INPP4B: variants seen among roughly 807,000 people sequenced by gnomAD.
The protein encoded by INPP4B is inositol polyphosphate 4-phosphatase type II.
A neutral mutation model predicts 122.5 loss-of-function variants in INPP4B; 55 were observed. The observed-to-expected ratio is 0.45, with a 90% CI of 0.36 to 0.56. The LOEUF is 0.56. Ranked by LOEUF, INPP4B falls within the 20% of genes least tolerant of loss-of-function variation. INPP4B has a pLI of 0.00. For missense variants in INPP4B, 1,000 were observed against 1,097.7 expected, an observed-to-expected ratio of 0.91 and a Z score of 1.26; for synonymous variants, 403 against 388.7, an observed-to-expected ratio of 1.04 and a Z score of -0.43.
chr4:142,427,399 A>G (rs1421323808), intron 5 of INPP4B: 4 of 494,482 alleles, frequency 8.1e-6, no homozygotes, highest in African/African-American at 8.1e-5. Context: ...AAAAAAAGAA[A>G]TTGAAGTTTT....
At chr4:142,267,639 T>C (rs1449645077) in intron 10 of INPP4B, among the ~76,000 whole-genome samples, 1 of 152,134 alleles carries the variant, frequency 6.6e-6, no homozygotes, top group East Asian at 1.9e-4. Flanking sequence ...CATTTAAAAA[T>C]GCTCCATGAC....
intron 11 of INPP4B, among the ~76,000 whole-genome samples, chr4:142,255,271 C>G (rs929954519): frequency 1.3e-5 from 2 of 151,988 alleles, no homozygotes; most frequent in South Asian, 2.1e-4. Context: ...TAAAGACCAT[C>G]GAGACTAGGA....
At chr4:142,350,231 T>A (rs996345757) in intron 7 of INPP4B, among the ~76,000 whole-genome samples, 1 of 152,042 alleles carries the variant, frequency 6.6e-6, no homozygotes, top group Non-Finnish European at 1.5e-5. Context: ...ACATATTGTA[T>A]GTCCTTGCTT....
At chr4:142,178,163 A>G (rs1829186646) in intron 15 of INPP4B, among the ~76,000 whole-genome samples, 1 of 152,166 alleles carries the variant, frequency 6.6e-6, no homozygotes, top group Non-Finnish European at 1.5e-5. Flanking sequence ...TCCCCATCTT[A>G]GATTATGGCA....
chr4:142,657,543 G>T (rs372676275), intron 2 of INPP4B, among the ~76,000 whole-genome samples: 1 of 152,178 alleles, frequency 6.6e-6, no homozygotes, highest in Admixed American at 6.5e-5. Flanking sequence ...TGCAGGGTGT[G>T]TAAGAACAGT....
At chr4:142,784,408 T>TAAAA (rs772362201) in intron 1 of INPP4B, among the ~76,000 whole-genome samples, 4,583 of 133,144 alleles carry the variant, frequency 0.034, 90 homozygotes, top group South Asian at 0.053. Flanking sequence ...AATAAATAAA[T>TAAAA]AAAAATTAAA....
rs576445730 is a variant in INPP4B, at chr4:142,265,066, G to C, written c.616-4502C>G. 3.9e-5 allele frequency among the ~76,000 whole-genome samples: 6 copies of C among 151,986 alleles called. No homozygotes were observed. The East Asian group carries it at 5.8e-4, about 15-fold the overall frequency. On this transcript the variant is annotated intron_variant, in intron 10 of 25. Transcript: ENST00000262992. The stretch of plus-strand genomic sequence containing the variant: ...CATCTGAGAAGGTAGCAAGAAGGCA[G>C]CCATCTGCAAGCCAAGTAAAAAGCC...
rs58469157 is a variant in INPP4B, at chr4:142,270,933, T to TTGTGTG, written c.504-165_504-160dup. Among the ~76,000 whole-genome samples, 540 of 148,642 alleles carry TTGTGTG rather than the reference T, an allele frequency of 3.6e-3. 4 individuals carry two copies. Among genetic ancestry groups the TTGTGTG allele is most frequent in the African/African-American group, 0.012 (499 of 40,486 alleles). On this transcript the variant is annotated intron_variant, in intron 9 of 25. Transcript: ENST00000262992. ...CAAAACATGTTAATAGGGTAGGTGT[T>TTGTGTG]TGTGTGTGTGTGTGTGTGTGTGTGT...
intron 21 of INPP4B, 95 bp from the exon 22 acceptor site, chr4:142,112,777 T>C: frequency 1.7e-6 from 2 of 1,186,236 alleles, no homozygotes; most frequent in East Asian, 2.5e-5. Context: ...GGTTGGAATA[T>C]AGCACTGATT....
At chr4:142,442,411 C>A (rs373159003) in intron 3 of INPP4B, among the ~76,000 whole-genome samples, 228 of 78,584 alleles carry the variant, frequency 2.9e-3, no homozygotes, top group African/African-American at 5.3e-3. Flanking sequence ...GACTCCATCT[C>A]AAAAAAAAAA....
intron 2 of INPP4B, chr4:142,514,712 A>C (rs1237072330): frequency 6.6e-6 from 1 of 152,120 alleles, no homozygotes; most frequent in Non-Finnish European, 1.5e-5. Flanking sequence ...AGAGCCTGAC[A>C]AAAACAAGCT....
chr4:142,716,882 C>T (rs1340402157), intron 2 of INPP4B, among the ~76,000 whole-genome samples: 5 of 152,156 alleles, frequency 3.3e-5, no homozygotes, highest in African/African-American at 4.8e-5. Flanking sequence ...CACATTTCTG[C>T]CTTCTCCTTC....
intron 2 of INPP4B, among the ~76,000 whole-genome samples, chr4:142,678,389 G>T (rs973338836): frequency 1.3e-5 from 2 of 151,840 alleles, no homozygotes; most frequent in Admixed American, 1.3e-4. Context: ...CCTGAGAGGG[G>T]GTTATTAGAT....
chr4:142,550,700 C>G (rs1727790028), intron 2 of INPP4B, among the ~76,000 whole-genome samples: 1 of 151,426 alleles, frequency 6.6e-6, no homozygotes, highest in South Asian at 2.1e-4. Flanking sequence ...TCAATTCAAA[C>G]AATTACTGAG....
rs141374190 is a variant in INPP4B at position 142,448,204 on chromosome 4, G to A, written c.-127+14459C>T. Among the ~76,000 whole-genome samples the A allele has an allele frequency of 5.2e-3, 784 of 151,926 alleles. 7 individuals are homozygous for A. Among genetic ancestry groups the A allele is most frequent in the African/African-American group, 0.018 (739 of 41,434 alleles). On this transcript the variant is annotated intron_variant, in intron 3 of 25. Transcript: ENST00000262992. The stretch of plus-strand genomic sequence containing the variant: ...GTTAAATAGGTTTCCTGGCCTGTGC[G>A]GGCTGATGTCCAGGCATGGAGTGCT...
intron 7 of INPP4B, among the ~76,000 whole-genome samples, chr4:142,360,198 A>G (rs1247867497): frequency 6.6e-6 from 1 of 152,126 alleles, no homozygotes; most frequent in Non-Finnish European, 1.5e-5. Flanking sequence ...TCATATAAAT[A>G]TAATACACAC....
At chr4:142,717,687 C>T (rs2150822923) in intron 2 of INPP4B, among the ~76,000 whole-genome samples, 1 of 151,782 alleles carries the variant, frequency 6.6e-6, no homozygotes, top group South Asian at 2.1e-4. Flanking sequence ...GGGAAATGAG[C>T]AATGAGAACA....
chr4:142,244,444 C>T (rs531054467), intron 11 of INPP4B, among the ~76,000 whole-genome samples: 3 of 151,640 alleles, frequency 2.0e-5, no homozygotes, highest in South Asian at 2.1e-4. Context: ...GGACTACAGG[C>T]GCCCACCATC....
Position 142,556,220 on chromosome 4 carries a change from G to A in INPP4B, c.-190-93494C>T, listed in dbSNP as rs569952481. Among the ~76,000 whole-genome samples the A allele has an allele frequency of 4.6e-5, 7 of 152,286 alleles. No individual in the cohort carries two copies. In the East Asian group the frequency reaches 1.4e-3, roughly 29 times the overall value. On this transcript the variant is annotated intron_variant, in intron 2 of 25. Coordinates refer to ENST00000262992, the MANE Select transcript of INPP4B (RefSeq NM_001101669.3). Reference sequence around the variant, plus strand: ...TGTGGCTCCTGAGCATGAGTCACATGAGTCTCTTCTTTTTATACTAGCAAG... The same window carrying A: ...TGTGGCTCCTGAGCATGAGTCACATAAGTCTCTTCTTTTTATACTAGCAAG...
Sources: gnomAD v4.1 joint callset for allele counts (sites outside exome capture counted in the v4.1 genomes callset) on GRCh38, gnomAD v4.1.1 for gene constraint, MANE v1.5 for transcripts, NCBI Gene and HGNC (gene_info 2026-07-23, HGNC 2026-07-21) for gene names.